Variants in FLVCR2 observed in about 807,000 individuals in gnomAD.
The protein encoded by FLVCR2 is FLVCR choline and putative heme transporter 2.
Under a neutral mutation model 48.9 loss-of-function variants are expected in FLVCR2, and 38 were observed. The observed-to-expected ratio is 0.78, with a 90% confidence interval of 0.60 to 1.02. The LOEUF (loss-of-function observed/expected upper bound fraction) is 1.02. FLVCR2 is among the 50% of genes least tolerant of loss of function. The pLI, the probability that FLVCR2 is intolerant of heterozygous loss-of-function variation, is 0.00. For missense variants in FLVCR2, 664 were observed against 663.3 expected, an observed-to-expected ratio of 1.00 and a Z score of -0.01; for synonymous variants, 255 against 257.0, an observed-to-expected ratio of 0.99 and a Z score of 0.07.
rs183102069 is a variant in FLVCR2, at chr14:75,609,279, C to T, written c.670-12800C>T. On this transcript the variant is annotated intron_variant, in intron 1 of 9. Coordinates refer to ENST00000238667, the MANE Select transcript of FLVCR2 (RefSeq NM_017791.3). ...AGATTACACTATAAGCCAGTCACAC[C>T]GGAGCGGCTAATGGTGCAAATGTCA... Among the ~76,000 whole-genome samples the T allele has an allele frequency of 1.8e-3, 267 of 152,190 alleles. 2 individuals are homozygous for T. The highest frequency in any genetic ancestry group is 2.9e-3 in the Non-Finnish European group (194 of 67,992).
chr14:75,625,537 G>C (rs1336260429), intron 3 of FLVCR2, among the ~76,000 whole-genome samples: 1 of 151,920 alleles, frequency 6.6e-6, no homozygotes. Context: ...AGTACCCTTA[G>C]TTCAAGCTGC....
chr14:75,631,995 A>G (rs1333108832), intron 3 of FLVCR2, among the ~76,000 whole-genome samples: 1 of 152,182 alleles, frequency 6.6e-6, no homozygotes, highest in Non-Finnish European at 1.5e-5. Flanking sequence ...CAGTTGGCCC[A>G]CTGTGCTGCT....
chr14:75,638,307 C>T (rs1205602061), intron 5 of FLVCR2, among the ~76,000 whole-genome samples: 2 of 152,084 alleles, frequency 1.3e-5, no homozygotes, highest in Non-Finnish European at 2.9e-5. Context: ...TATGGTGGCG[C>T]ATGCCTGTAA....
intron 1 of FLVCR2, among the ~76,000 whole-genome samples, chr14:75,615,259 A>G (rs1566790304): frequency 6.6e-6 from 1 of 152,196 alleles, no homozygotes; most frequent in Non-Finnish European, 1.5e-5. Context: ...ACTTTGCAGA[A>G]GGGTTTGGGA....
rs757778790 is a variant in FLVCR2, at chr14:75,633,674, G to A, written c.998G>A (p.Arg333His). The change falls in exon 4 of 10, where the codon CGC becomes CAC. Residue 333 changes from arginine to histidine, a missense_variant. Transcript: ENST00000238667. Reference sequence around the variant, plus strand: ...TATGCCTTGTCCACTCTTCTGAATCGCATGGTGATCTGGCACTACCCGGTA... The same window carrying A: ...TATGCCTTGTCCACTCTTCTGAATCACATGGTGATCTGGCACTACCCGGTA... ...AFYALSTLLNRMVIWHYPGEE... is the reference protein window; with the variant it reads ...AFYALSTLLNHMVIWHYPGEE... The A allele has an allele frequency of 4.0e-5, 64 of 1,613,664 alleles. No homozygotes were observed. The highest frequency in any genetic ancestry group is 5.0e-5 in the Non-Finnish European group (59 of 1,179,698).
At chr14:75,584,854 G>A (rs1888703620) in intron 1 of FLVCR2, among the ~76,000 whole-genome samples, 1 of 152,224 alleles carries the variant, frequency 6.6e-6, no homozygotes, top group Non-Finnish European at 1.5e-5. Flanking sequence ...GGTCTGACAA[G>A]AAAGAGCCTA....
chr14:75,583,857 C>A (rs149771041), intron 1 of FLVCR2, among the ~76,000 whole-genome samples: 1 of 152,294 alleles, frequency 6.6e-6, no homozygotes, highest in Non-Finnish European at 1.5e-5. Flanking sequence ...AGGGGATGGA[C>A]TTGCCCTCCA....
chr14:75,611,242 C>T (rs1000725900), intron 1 of FLVCR2, among the ~76,000 whole-genome samples: 1 of 152,188 alleles, frequency 6.6e-6, no homozygotes, highest in Admixed American at 6.5e-5. Flanking sequence ...GACAGCTACA[C>T]ATTTGGGGAC....
At chr14:75,623,163 G>A (rs907735170) in intron 2 of FLVCR2, among the ~76,000 whole-genome samples, 6 of 151,976 alleles carry the variant, frequency 3.9e-5, no homozygotes, top group Non-Finnish European at 8.8e-5. Context: ...TGTATTTTTA[G>A]TAGAGACAGG....
At chr14:75,641,130 C>T in intron 7 of FLVCR2, 52 bp from the exon 8 acceptor site, 5 of 1,551,976 alleles carry the variant, frequency 3.2e-6, no homozygotes, top group South Asian at 1.1e-5. Context: ...AGTTCTTCCT[C>T]ATGAGTTAGT....
chr14:75,601,274 C>T (rs945433810), intron 1 of FLVCR2, among the ~76,000 whole-genome samples: 16 of 152,242 alleles, frequency 1.1e-4, no homozygotes, highest in African/African-American at 3.4e-4. Context: ...CCGCCTTGGG[C>T]GGGCCAGGTG....
intron 1 of FLVCR2, among the ~76,000 whole-genome samples, chr14:75,620,995 A>T (rs1006672324): frequency 6.6e-6 from 1 of 152,202 alleles, no homozygotes; most frequent in Non-Finnish European, 1.5e-5. Flanking sequence ...TGAGTTCACA[A>T]GCTATTTTCC....
chr14:75,579,627 G>C lies in FLVCR2; in HGVS notation c.655G>C (p.Val219Leu). 1 of 1,614,148 alleles carries C rather than the reference G, an allele frequency of 6.2e-7. No homozygotes were observed. Among genetic ancestry groups the C allele is most frequent in the Non-Finnish European group, 8.5e-7 (1 of 1,180,036 alleles). ...GGTTTCAACAGCCTGCTCCGTGGCT[G>C]TCTTTGGCAATCAGGTAGGTAGAAC... Reference protein sequence around the residue: ...NEVSTACSVAVFGNQLGIAIG... With the variant: ...NEVSTACSVALFGNQLGIAIG... Residue 219 changes from valine (V) to leucine (L), a missense_variant, in exon 1 of 10, where the codon GTC (valine) becomes CTC (leucine). Physicochemically the swap from Val to Leu is conservative, Grantham distance 32. Coordinates refer to ENST00000238667, the MANE Select transcript of FLVCR2 (RefSeq NM_017791.3).
intron 3 of FLVCR2, among the ~76,000 whole-genome samples, chr14:75,629,579 G>A (rs911753115): frequency 6.6e-6 from 1 of 151,652 alleles, no homozygotes; most frequent in African/African-American, 2.4e-5. Context: ...TCTCTGGTGT[G>A]TTTCACAGTA....
At chr14:75,581,100 C>G (rs751633145) in intron 1 of FLVCR2, among the ~76,000 whole-genome samples, 1 of 151,982 alleles carries the variant, frequency 6.6e-6, no homozygotes, top group East Asian at 1.9e-4. Flanking sequence ...AGCTGAAGAA[C>G]GGTTTTGGGG....
Position 75,636,336 on chromosome 14 carries a change from G to A in FLVCR2, c.1124+1323G>A, listed in dbSNP as rs545338034. Among the ~76,000 whole-genome samples the A allele has an allele frequency of 1.3e-3, 195 of 152,166 alleles. 1 individual carries two copies. Among genetic ancestry groups the A allele is most frequent in the African/African-American group, 4.5e-3 (185 of 41,516 alleles). ...GAGGTGGCGACGAGGAGCCTGGCTC[G>A]GCTTAATTACTGCTGGCGGGGCTTG... is the stretch of plus-strand genomic sequence containing the variant. On this transcript the variant is annotated intron_variant, in intron 5 of 9. Transcript: ENST00000238667.
chr14:75,643,618 G>C (rs902057426), intron 9 of FLVCR2, among the ~76,000 whole-genome samples: 1 of 152,182 alleles, frequency 6.6e-6, no homozygotes, highest in Non-Finnish European at 1.5e-5. Context: ...GAGTTGGCAG[G>C]CAGCAGCAGA....
chr14:75,602,436 C>T (rs2140018827), intron 1 of FLVCR2, among the ~76,000 whole-genome samples: 1 of 152,228 alleles, frequency 6.6e-6, no homozygotes, highest in East Asian at 1.9e-4. Flanking sequence ...GGTGACCAGC[C>T]CCCTCCTGAG....
chr14:75,616,128 C>A (rs1889611405), intron 1 of FLVCR2, among the ~76,000 whole-genome samples: 1 of 151,038 alleles, frequency 6.6e-6, no homozygotes, highest in Admixed American at 6.6e-5. Flanking sequence ...CACTTGAGAC[C>A]AGCCTAGGCA....
Sources: allele counts gnomAD v4.1 joint callset (sites outside exome capture counted in the v4.1 genomes callset), GRCh38; gene constraint gnomAD v4.1.1; transcripts MANE v1.5; gene names NCBI Gene and HGNC (gene_info 2026-07-23, HGNC 2026-07-21).